FANCD2: variants seen among roughly 807,000 people sequenced by gnomAD.
FANCD2 encodes the protein FA complementation group D2, also known as Fanconi anemia group D2 protein.
Under a neutral mutation model 192.3 loss-of-function variants are expected in FANCD2, and 131 were observed. That is an observed-to-expected ratio of 0.68 (90% CI 0.59 to 0.79). The LOEUF (loss-of-function observed/expected upper bound fraction) is 0.79, where lower values mean the gene tolerates loss of function less well. Among genes scored for constraint, FANCD2 ranks in the 30% least tolerant of loss-of-function variants. The pLI, the probability that FANCD2 is intolerant of heterozygous loss-of-function variation, is 0.00. For synonymous variants in FANCD2, 524 were observed against 612.5 expected, an observed-to-expected ratio of 0.86 and a Z score of 2.13; for missense variants, 1,508 against 1,701.6, an observed-to-expected ratio of 0.89 and a Z score of 2.00.
chr3:10,100,791 C>G (rs145393937), intron 43 of FANCD2, among the ~76,000 whole-genome samples: 3 of 152,062 alleles, frequency 2.0e-5, no homozygotes, highest in African/African-American at 7.2e-5. Flanking sequence ...CAAATTGGGC[C>G]GGGCGCAATG....
chr3:10,030,218 G>A (rs558633597), intron 2 of FANCD2, among the ~76,000 whole-genome samples: 12 of 151,092 alleles, frequency 7.9e-5, no homozygotes, highest in Non-Finnish European at 1.5e-4. Context: ...TGGCTCAGCC[G>A]CCCAAGTAGC....
At chr3:10,090,487 G>C (rs1161661748) in intron 37 of FANCD2, 102 bp downstream of exon 37, 1 of 693,308 alleles carries the variant, frequency 1.4e-6, no homozygotes, top group Non-Finnish European at 2.2e-6. Context: ...ACAGAGTCTT[G>C]CTTGTTCTGT....
chr3:10,046,429 G>T, intron 14 of FANCD2, 151 bp from the exon 15 acceptor site: 1 of 1,302,310 alleles, frequency 7.7e-7, no homozygotes, highest in South Asian at 1.4e-5. Flanking sequence ...TCTGAGTTTT[G>T]TGAAAAGTGT....
chr3:10,068,279 A>C (rs114362791), intron 26 of FANCD2, among the ~76,000 whole-genome samples: 4,662 of 152,280 alleles, frequency 0.031, 88 homozygotes, highest in South Asian at 0.061. Context: ...AGATAAATTC[A>C]GTAAAGTTGC....
intron 1 of FANCD2, 118 bp downstream of exon 1, chr3:10,026,591 T>G (rs541519297): frequency 5.5e-6 from 1 of 183,244 alleles, no homozygotes; most frequent in Non-Finnish European, 1.0e-5. Context: ...GAACCTTGGC[T>G]TCCTCATCTG....
Position 10,094,794 on chromosome 3 carries a change from CT to C in FANCD2, c.3964-405del, listed in dbSNP as rs1422643684. 4.8e-5 allele frequency: 16 copies of C among 331,324 alleles called. No individual in the cohort carries two copies. In the East Asian group the frequency reaches 1.1e-3, roughly 23 times the overall value. The allele number at this position is 331,324 out of a possible 1,614,324, so 20.5% of individuals were successfully genotyped here. A position where few individuals can be genotyped will look rare whatever the true frequency, so the allele number is the denominator to read the frequency against. On this transcript the variant is annotated intron_variant, in intron 40 of 43. Coordinates refer to ENST00000675286, the MANE Select transcript of FANCD2 (RefSeq NM_001018115.3). Reference sequence around the variant, plus strand: ...GTTTTTTAGCCAATGGCATCCAGGGCTAGAGTGATGAATTAAGGATAGAATC... The same window carrying C: ...GTTTTTTAGCCAATGGCATCCAGGGCAGAGTGATGAATTAAGGATAGAATC...
chr3:10,065,671 A>C (rs1331870231), intron 24 of FANCD2, among the ~76,000 whole-genome samples, 177 bp downstream of exon 24: 1 of 152,252 alleles, frequency 6.6e-6, no homozygotes, highest in Non-Finnish European at 1.5e-5. Context: ...TATGTTAACA[A>C]ATCAATTGTT....
At position 10,060,167 on chromosome 3, in the gene FANCD2, C is replaced by CAAA. The variant is rs111589951; in HGVS notation, c.1657-114_1657-112dup. 4.0e-3 allele frequency: 2,157 copies of CAAA among 544,788 alleles called. 1 individual carries two copies. Among genetic ancestry groups the CAAA allele is most frequent in the Middle Eastern group, 7.7e-3 (15 of 1,960 alleles). 33.7% of individuals were successfully genotyped at this position (544,788 alleles called of 1,614,324 possible). On this transcript the variant is annotated intron_variant, in intron 18 of 43. Transcript: ENST00000675286. ...AGGCAACAAGAACGAAAGTCCGTCT[C>CAAA]AAAAAAAAAAAAAAACAGTTAGTAA... is the stretch of plus-strand genomic sequence containing the variant.
intron 26 of FANCD2, among the ~76,000 whole-genome samples, chr3:10,070,624 G>A (rs1442168386): frequency 1.4e-5 from 2 of 145,586 alleles, no homozygotes; most frequent in Non-Finnish European, 3.0e-5. Flanking sequence ...CCGTCTGGGA[G>A]GTGTACCCAA....
chr3:10,055,183 A>T (rs2125018793), intron 18 of FANCD2, among the ~76,000 whole-genome samples: 1 of 152,346 alleles, frequency 6.6e-6, no homozygotes, highest in East Asian at 1.9e-4. Context: ...AATATAAAAT[A>T]GACCGTTTAA....
chr3:10,054,525 C>T (rs1339757325), intron 18 of FANCD2, among the ~76,000 whole-genome samples: 1 of 110,440 alleles, frequency 9.1e-6, no homozygotes, highest in African/African-American at 3.6e-5. Context: ...GCACTGTCAC[C>T]CAGGCTGGAG....
At chr3:10,090,443 ATTTTTTT>A (rs773716319) in intron 37 of FANCD2, 58 bp downstream of exon 37, 119 of 342,214 alleles carry the variant, frequency 3.5e-4, no homozygotes, top group Middle Eastern at 8.7e-4. Flanking sequence ...GAAGTTGCTG[ATTTTTTT>A]TTTTTTTTTT....
chr3:10,099,184 A>G (rs982922171), intron 43 of FANCD2: 21 of 1,405,502 alleles, frequency 1.5e-5, no homozygotes, highest in Non-Finnish European at 1.8e-5. Flanking sequence ...CATTTGAAAC[A>G]TACAAAAATA....
intron 33 of FANCD2, among the ~76,000 whole-genome samples, chr3:10,086,495 CT>C (rs927484117): frequency 1.6e-4 from 24 of 149,836 alleles, no homozygotes; most frequent in African/African-American, 4.4e-4. Context: ...CTTATATCTT[CT>C]TTTTTTTTTC....
intron 32 of FANCD2, 37 bp from the exon 33 acceptor site, chr3:10,085,775 G>A (rs1464142354): frequency 7.3e-7 from 1 of 1,373,200 alleles, no homozygotes; most frequent in Non-Finnish European, 1.0e-6. Flanking sequence ...TAGTTTTCCA[G>A]AAACTAAGCT....
chr3:10,076,124 C>G (rs2125052119), intron 29 of FANCD2, among the ~76,000 whole-genome samples: 1 of 151,442 alleles, frequency 6.6e-6, no homozygotes, highest in Non-Finnish European at 1.5e-5. Context: ...TGCAGTGAGA[C>G]TGTATTTCAC....
At chr3:10,090,049 C>T (rs576351555) in intron 36 of FANCD2, among the ~76,000 whole-genome samples, 46 of 152,168 alleles carry the variant, frequency 3.0e-4, no homozygotes, top group Admixed American at 8.5e-4. Flanking sequence ...CTCACTGTTA[C>T]TTCATTGCTT....
chr3:10,032,523 T>C (rs1243828742), intron 2 of FANCD2: 2 of 340,690 alleles, frequency 5.9e-6, no homozygotes, highest in South Asian at 4.9e-5. Flanking sequence ...CCCAGGCTGG[T>C]CTTGAACTCC....
At chr3:10,099,943 C>G (rs746902945) in intron 43 of FANCD2, among the ~76,000 whole-genome samples, 1 of 152,140 alleles carries the variant, frequency 6.6e-6, no homozygotes, top group African/African-American at 2.4e-5. Flanking sequence ...CACCTGTAAT[C>G]GTAGCACTTT....
Sources: gnomAD v4.1 joint callset for allele counts (sites outside exome capture counted in the v4.1 genomes callset) on GRCh38, gnomAD v4.1.1 for gene constraint, MANE v1.5 for transcripts, NCBI Gene and HGNC (gene_info 2026-07-23, HGNC 2026-07-21) for gene names.